The following RASSF8 variants were observed in gnomAD, a reference collection of about 807,000 sequenced individuals.
RASSF8 encodes the protein ras association domain-containing protein 8.
In RASSF8, 22 loss-of-function variants were observed where a neutral mutation model predicts 48.5. The ratio of observed to expected loss-of-function variants is 0.45; its 90% CI spans 0.32 to 0.65. RASSF8 has a LOEUF of 0.65. Ranked by LOEUF, RASSF8 falls within the 30% of genes least tolerant of loss-of-function variation. The pLI is 0.03. For synonymous variants in RASSF8, 127 were observed against 171.5 expected, an observed-to-expected ratio of 0.74 and a Z score of 2.03; for missense variants, 418 against 489.2, an observed-to-expected ratio of 0.85 and a Z score of 1.37.
chr12:26,034,963 A>G lies in RASSF8; in HGVS notation c.-108-20273A>G, dbSNP rs115867379. 2.7e-3 allele frequency among the ~76,000 whole-genome samples: 407 copies of G among 152,198 alleles called. 4 individuals are homozygous for G. Among genetic ancestry groups the G allele is most frequent in the African/African-American group, 9.3e-3 (387 of 41,522 alleles). ...TGTTTGTCATAGCATTTGGTTTTTA[A>G]TTTCTGTGTGAATTAGTCACTATGA... On this transcript the variant is annotated intron_variant, in intron 2 of 5. Coordinates refer to ENST00000689635, the MANE Select transcript of RASSF8 (RefSeq NM_001394098.1).
intron 4 of RASSF8, among the ~76,000 whole-genome samples, chr12:26,067,177 A>G (rs567732562): frequency 2.0e-5 from 3 of 152,260 alleles, no homozygotes; most frequent in Non-Finnish European, 2.9e-5. Context: ...CAACACAGAG[A>G]TGGGTAAAAA....
intron 1 of RASSF8, among the ~76,000 whole-genome samples, chr12:25,964,230 T>G (rs947702998): frequency 6.6e-6 from 1 of 152,184 alleles, no homozygotes; most frequent in Non-Finnish European, 1.5e-5. Context: ...CCAATAATAT[T>G]TATTACCCAT....
chr12:26,003,075 T>A (rs11048372), intron 2 of RASSF8, among the ~76,000 whole-genome samples: 19,792 of 152,192 alleles, frequency 0.13, 1,580 homozygotes, highest in East Asian at 0.27. Flanking sequence ...CTAATTAATT[T>A]CCCAGCACCA....
At chr12:26,019,277 T>C (rs1416519233) in intron 2 of RASSF8, among the ~76,000 whole-genome samples, 1 of 152,182 alleles carries the variant, frequency 6.6e-6, no homozygotes, top group East Asian at 1.9e-4. Context: ...ACCATATGAC[T>C]ATAAAAAATA....
chr12:26,065,622 T>C (rs1009095045), intron 4 of RASSF8, among the ~76,000 whole-genome samples: 1 of 152,170 alleles, frequency 6.6e-6, no homozygotes, highest in Non-Finnish European at 1.5e-5. Context: ...CGTTAGATAA[T>C]GGGATGGAAT....
chr12:26,002,390 G>A (rs12818478), intron 2 of RASSF8, among the ~76,000 whole-genome samples: 10,025 of 152,040 alleles, frequency 0.066, 721 homozygotes, highest in East Asian at 0.27. Flanking sequence ...CCGAGATTGC[G>A]TCACTGCACT....
Position 26,068,675 on chromosome 12 carries a change from G to C in RASSF8, c.1139-22G>C, listed in dbSNP as rs913342506. 5 of 1,515,130 alleles carry C rather than the reference G, an allele frequency of 3.3e-6. No homozygotes were observed. The African/African-American group carries it at 6.9e-5, about 21-fold the overall frequency. The allele number at this position is 1,515,130 out of a possible 1,614,324, so 93.9% of individuals were successfully genotyped here. A position where few individuals can be genotyped will look rare whatever the true frequency, so the allele number is the denominator to read the frequency against. On this transcript the variant is annotated intron_variant, in intron 5 of 5. Coordinates refer to ENST00000689635, the MANE Select transcript of RASSF8 (RefSeq NM_001394098.1). The stretch of plus-strand genomic sequence containing the variant: ...TCCAAGTTGACGAGCTCATCAGGTG[G>C]CTCTCTTTGTTTCCTGTTTAGAGGC...
intron 1 of RASSF8, among the ~76,000 whole-genome samples, chr12:25,961,836 ACT>A (rs1322774728): frequency 2.6e-5 from 4 of 151,944 alleles, no homozygotes; most frequent in African/African-American, 9.7e-5. Flanking sequence ...AGCTCACTCC[ACT>A]CTCTCTTTTC....
chr12:26,001,091 C>A (rs1855980175), intron 2 of RASSF8, among the ~76,000 whole-genome samples: 1 of 144,992 alleles, frequency 6.9e-6, no homozygotes, highest in African/African-American at 2.5e-5. Context: ...GTCAAGTGAT[C>A]CTCCCGCTTC....
intron 2 of RASSF8, among the ~76,000 whole-genome samples, chr12:26,020,755 G>GA (rs1224479474): frequency 6.6e-6 from 1 of 151,940 alleles, no homozygotes; most frequent in Non-Finnish European, 1.5e-5. Flanking sequence ...TATTTCTAGG[G>GA]AAAAAAGTGA....
At chr12:25,994,599 T>C (rs1283297118) in intron 1 of RASSF8, among the ~76,000 whole-genome samples, 1 of 152,216 alleles carries the variant, frequency 6.6e-6, no homozygotes, top group Admixed American at 6.5e-5. Flanking sequence ...TTTTATTTTT[T>C]AGGACTGAAG....
chr12:26,063,734 T>G (rs935810556), intron 3 of RASSF8, among the ~76,000 whole-genome samples: 1 of 100,008 alleles, frequency 1.0e-5, no homozygotes, highest in East Asian at 2.1e-4. Context: ...TTGCTTTGAG[T>G]TTTTTTTTTT....
chr12:25,987,453 C>A (rs1034937779), intron 1 of RASSF8, among the ~76,000 whole-genome samples: 3 of 152,124 alleles, frequency 2.0e-5, no homozygotes, highest in African/African-American at 7.2e-5. Context: ...AACTGGGATG[C>A]TTTAATTCCA....
chr12:25,972,659 G>A (rs1417127060), intron 1 of RASSF8, among the ~76,000 whole-genome samples: 2 of 152,098 alleles, frequency 1.3e-5, no homozygotes, highest in Non-Finnish European at 2.9e-5. Context: ...AAGAATTTTT[G>A]TATTTTTTAA....
At chr12:25,963,010 T>G (rs1941272578) in intron 1 of RASSF8, among the ~76,000 whole-genome samples, 1 of 152,138 alleles carries the variant, frequency 6.6e-6, no homozygotes. Context: ...ATAAGCTTAC[T>G]GAAAGGAAAA....
chr12:26,038,221 T>A (rs1943192203), intron 2 of RASSF8, among the ~76,000 whole-genome samples: 2 of 152,210 alleles, frequency 1.3e-5, no homozygotes, highest in African/African-American at 4.8e-5. Context: ...TGTTTCATGA[T>A]CACGGTCTCA....
At chr12:25,991,352 A>G (rs1381487197) in intron 1 of RASSF8, among the ~76,000 whole-genome samples, 3 of 152,082 alleles carry the variant, frequency 2.0e-5, no homozygotes, top group Non-Finnish European at 2.9e-5. Context: ...TAAACTATTT[A>G]ATTTAAATAA....
chr12:26,055,781 G>C (rs1326440939), intron 3 of RASSF8, among the ~76,000 whole-genome samples: 2 of 152,130 alleles, frequency 1.3e-5, no homozygotes, highest in Non-Finnish European at 2.9e-5. Flanking sequence ...TTAGTTCCCA[G>C]AATCCCTCAT....
At chr12:26,017,777 C>G (rs553844573) in intron 2 of RASSF8, among the ~76,000 whole-genome samples, 16 of 152,360 alleles carry the variant, frequency 1.1e-4, no homozygotes, top group African/African-American at 3.8e-4. Context: ...AGCCGCTCCT[C>G]TTGCCCTTTC....
Sources: gnomAD v4.1 joint callset for allele counts (sites outside exome capture counted in the v4.1 genomes callset) on GRCh38, gnomAD v4.1.1 for gene constraint, MANE v1.5 for transcripts, NCBI Gene and HGNC (gene_info 2026-07-23, HGNC 2026-07-21) for gene names.